Variants in PRKN observed in about 807,000 individuals in gnomAD.
PRKN encodes parkin RBR E3 ubiquitin protein ligase, also known as E3 ubiquitin-protein ligase parkin.
Under a neutral mutation model 59.5 loss-of-function variants are expected in PRKN, and 56 were observed. The observed-to-expected ratio is 0.94, with a 90% CI of 0.76 to 1.18. The LOEUF (loss-of-function observed/expected upper bound fraction) is 1.18. Among genes scored for constraint, PRKN ranks in the 50% most tolerant of loss-of-function variants. PRKN has a pLI of 0.00. For synonymous variants in PRKN, 250 were observed against 222.1 expected (o/e 1.13, Z -1.12); for missense variants, 657 against 596.4 (o/e 1.10, Z -1.06).
chr6:162,265,407 C>T (rs1235824863), intron 2 of PRKN, among the ~76,000 whole-genome samples: 1 of 152,040 alleles, frequency 6.6e-6, no homozygotes, highest in African/African-American at 2.4e-5. Context: ...AAAGAACATC[C>T]CTGCCAGGCA....
chr6:162,192,809 T>C (rs1430240983), intron 4 of PRKN, among the ~76,000 whole-genome samples: 1 of 152,118 alleles, frequency 6.6e-6, no homozygotes. Flanking sequence ...AATTTCAAAC[T>C]AGCAGCATGG....
intron 2 of PRKN, among the ~76,000 whole-genome samples, chr6:162,344,016 A>T (rs1434662469): frequency 6.6e-6 from 1 of 152,180 alleles, no homozygotes; most frequent in Non-Finnish European, 1.5e-5. Flanking sequence ...TGACAGAGCT[A>T]TGCGGAAAAG....
At chr6:162,000,011 A>G (rs993138637) in intron 5 of PRKN, among the ~76,000 whole-genome samples, 1 of 152,122 alleles carries the variant, frequency 6.6e-6, no homozygotes, top group Non-Finnish European at 1.5e-5. Context: ...AAAGACTTAC[A>G]TTTAAAGACT....
chr6:161,451,906 G>A lies in PRKN; in HGVS notation c.1084-65029C>T, dbSNP rs1424881398. Among the ~76,000 whole-genome samples, 2 of 152,070 alleles carry A rather than the reference G, an allele frequency of 1.3e-5. No individual in the cohort carries two copies. Among genetic ancestry groups the A allele is most frequent in the African/African-American group, 2.4e-5 (1 of 41,406 alleles). On this transcript the variant is annotated intron_variant, in intron 9 of 11. Transcript: ENST00000366898. The surrounding 1 kb of genome is among the most constrained non-coding windows in gnomAD (Gnocchi z 5.9). ...TTGTAAACTACATTTATAAATTTAAGACATTCTTTTTTTTCTTTTTTCTTT... is the reference window on the plus strand; with the variant it reads ...TTGTAAACTACATTTATAAATTTAAAACATTCTTTTTTTTCTTTTTTCTTT...
At chr6:161,398,020 G>A (rs1005086207) in intron 9 of PRKN, among the ~76,000 whole-genome samples, 1 of 152,138 alleles carries the variant, frequency 6.6e-6, no homozygotes, top group African/African-American at 2.4e-5. Context: ...CAGAGAGGGG[G>A]CAGGATGGGA....
intron 1 of PRKN, among the ~76,000 whole-genome samples, chr6:162,666,013 T>C (rs780014165): frequency 2.0e-4 from 31 of 152,106 alleles, no homozygotes; most frequent in Non-Finnish European, 2.8e-4. Flanking sequence ...TCCTTACACA[T>C]CTTATACAAA....
At position 162,292,618 on chromosome 6, in the gene PRKN, G is replaced by A. The variant is rs141219141; in HGVS notation, c.172-29853C>T. On this transcript the variant is annotated intron_variant, in intron 2 of 11. Transcript: ENST00000366898. ...TGGGAAGAGCCGAGGATGACCTAGA[G>A]CCCATAAGAAGATAAGTCTGAATCA... Among the ~76,000 whole-genome samples, 479 of 152,250 alleles carry A rather than the reference G, an allele frequency of 3.1e-3. 3 individuals carry two copies. Among genetic ancestry groups the A allele is most frequent in the Non-Finnish European group, 5.1e-3 (344 of 68,026 alleles).
rs920434693 is a variant in PRKN at position 161,614,629 on chromosome 6, G to T, written c.872-45213C>A. 2.0e-5 allele frequency among the ~76,000 whole-genome samples: 3 copies of T among 152,130 alleles called. No homozygotes were observed. The South Asian group carries it at 6.2e-4, about 32-fold the overall frequency. On this transcript the variant is annotated intron_variant, in intron 7 of 11. Coordinates refer to ENST00000366898, the MANE Select transcript of PRKN (RefSeq NM_004562.3). ...GACTTCTTATCAGTTATTTAATACAGACATTTAAATAGTTGATATTGTTTC... is the reference window on the plus strand; with the variant it reads ...GACTTCTTATCAGTTATTTAATACATACATTTAAATAGTTGATATTGTTTC...
rs1426551717 is a variant in PRKN at position 161,497,679 on chromosome 6, G to A, written c.1083+51175C>T. ...TCTCGCTCCTTTCCCTTTCAATTCAGAAGGCTAACTCTAGCTCAATTATCT... is the reference window on the plus strand; with the variant it reads ...TCTCGCTCCTTTCCCTTTCAATTCAAAAGGCTAACTCTAGCTCAATTATCT... On this transcript the variant is annotated intron_variant, in intron 9 of 11. Transcript: ENST00000366898. This position sits in a 1 kb window ranked among gnomAD's most constrained non-coding sequence, Gnocchi z 4.6. Among the ~76,000 whole-genome samples, 1 of 151,948 alleles carries A rather than the reference G, an allele frequency of 6.6e-6. No homozygotes were observed. Among genetic ancestry groups the A allele is most frequent in the Non-Finnish European group, 1.5e-5 (1 of 68,006 alleles).
chr6:162,522,932 A>G (rs1458606080), intron 1 of PRKN, among the ~76,000 whole-genome samples: 1 of 152,196 alleles, frequency 6.6e-6, no homozygotes, highest in Non-Finnish European at 1.5e-5. Flanking sequence ...CATTCCAGCA[A>G]ATAACCCCAA....
At chr6:162,247,664 A>G (rs1278189095) in intron 3 of PRKN, among the ~76,000 whole-genome samples, 1 of 152,066 alleles carries the variant, frequency 6.6e-6, no homozygotes, top group South Asian at 2.1e-4. Flanking sequence ...TAAAAATACT[A>G]TTTTTCCCTT....
intron 6 of PRKN, among the ~76,000 whole-genome samples, chr6:161,880,603 G>C (rs1583292392): frequency 6.6e-6 from 1 of 152,102 alleles, no homozygotes; most frequent in Non-Finnish European, 1.5e-5. Flanking sequence ...CGGCCCACGA[G>C]GTGGGGTGGG....
intron 7 of PRKN, among the ~76,000 whole-genome samples, chr6:161,761,023 C>T (rs141595810): frequency 2.1e-3 from 321 of 152,166 alleles, no homozygotes; most frequent in African/African-American, 7.3e-3. Context: ...GGCAGACTGC[C>T]GTAAAATAGA....
chr6:161,735,683 G>A (rs1351137740), intron 7 of PRKN, among the ~76,000 whole-genome samples: 2 of 152,194 alleles, frequency 1.3e-5, no homozygotes, highest in Admixed American at 6.5e-5. Flanking sequence ...TCGGGAGACT[G>A]AGGAGGGTGG....
At chr6:162,076,264 C>T (rs555315176) in intron 4 of PRKN, among the ~76,000 whole-genome samples, 36 of 152,138 alleles carry the variant, frequency 2.4e-4, no homozygotes, top group East Asian at 5.8e-4. Context: ...GCCACCTGGC[C>T]CAGCCAAGGA....
At chr6:162,004,024 T>C (rs61574422) in intron 5 of PRKN, among the ~76,000 whole-genome samples, 23,600 of 152,076 alleles carry the variant, frequency 0.16, 1,938 homozygotes, top group South Asian at 0.25. Flanking sequence ...ACAGATAAAT[T>C]AGGAGTTGAT....
intron 4 of PRKN, among the ~76,000 whole-genome samples, chr6:162,107,150 C>T (rs1780223052): frequency 1.3e-5 from 2 of 152,074 alleles, no homozygotes; most frequent in South Asian, 4.1e-4. Context: ...TGAGTGAGTA[C>T]CAAGATTCCT....
intron 9 of PRKN, among the ~76,000 whole-genome samples, chr6:161,492,608 G>A (rs1395749366): frequency 6.6e-6 from 1 of 152,188 alleles, no homozygotes; most frequent in Non-Finnish European, 1.5e-5. Flanking sequence ...ATTATATTAG[G>A]TAGAAAGAAC....
At chr6:162,555,041 C>T (rs1013322665) in intron 1 of PRKN, among the ~76,000 whole-genome samples, 3 of 152,046 alleles carry the variant, frequency 2.0e-5, no homozygotes, top group Non-Finnish European at 2.9e-5. Context: ...ACTTTTCAGC[C>T]ACATGCAACA....
Sources: allele counts gnomAD v4.1 joint callset (sites outside exome capture counted in the v4.1 genomes callset), GRCh38; gene constraint gnomAD v4.1.1; non-coding constraint Gnocchi (gnomAD v3.1); transcripts MANE v1.5; gene names NCBI Gene and HGNC (gene_info 2026-07-23, HGNC 2026-07-21).